MED1: variants seen among roughly 807,000 people sequenced by gnomAD.
The protein encoded by MED1 is mediator of RNA polymerase II transcription subunit 1.
Under a neutral mutation model 121.3 loss-of-function variants are expected in MED1, and 17 were observed. The observed-to-expected ratio is 0.14, with a 90% CI of 0.10 to 0.21. MED1 has a LOEUF of 0.21. Among genes scored for constraint, MED1 ranks in the 10% least tolerant of loss-of-function variants. MED1 has a pLI of 1.00. For missense variants in MED1, 1,558 were observed against 1,919.4 expected, an observed-to-expected ratio of 0.81 and a Z score of 3.52; for synonymous variants, 661 against 694.4, an observed-to-expected ratio of 0.95 and a Z score of 0.76.
chr17:39,412,006 CA>C (rs72106224), intron 16 of MED1, among the ~76,000 whole-genome samples: 85,754 of 133,778 alleles, frequency 0.64, 28,388 homozygotes, highest in South Asian at 0.88. Context: ...GACTCCATCT[CA>C]AAAAAAAAAA....
intron 1 of MED1, among the ~76,000 whole-genome samples, chr17:39,449,237 G>C (rs2048758546): frequency 1.3e-5 from 2 of 152,116 alleles, no homozygotes; most frequent in African/African-American, 4.8e-5. Context: ...TTACAGTGCA[G>C]TGGCATGATT....
chr17:39,432,315 C>G (rs1305611037), intron 7 of MED1, among the ~76,000 whole-genome samples: 1 of 123,018 alleles, frequency 8.1e-6, no homozygotes, highest in Non-Finnish European at 1.6e-5. Flanking sequence ...TGCACTCCAG[C>G]CTGGGTGACA....
intron 16 of MED1, among the ~76,000 whole-genome samples, chr17:39,411,186 G>A (rs1327981080): frequency 1.3e-5 from 2 of 152,132 alleles, no homozygotes; most frequent in African/African-American, 2.4e-5. Context: ...GGGCGTGGTG[G>A]CGCGTGCCTG....
intron 10 of MED1, 118 bp downstream of exon 10, chr17:39,427,583 G>T: frequency 1.5e-6 from 1 of 655,376 alleles, no homozygotes. Context: ...GTGAGGTGTT[G>T]TGTGTATAAG....
chr17:39,427,527 G>A (rs1012032162), intron 10 of MED1, 174 bp downstream of exon 10: 3 of 511,046 alleles, frequency 5.9e-6, no homozygotes, highest in Admixed American at 7.3e-5. Flanking sequence ...ATATATGCAT[G>A]TGTGTATATA....
In MED1 at chr17:39,405,657, C is replaced by A. The variant is rs1009063799; in HGVS notation, c.*1818G>T. On this transcript the variant is annotated 3_prime_UTR_variant, in exon 17 of 17. Transcript: ENST00000300651. ...TGACTCTGATGTGGTTAATTGATAA[C>A]TTTTCTTGCTCCACTTTACAATGTT... 4.8e-6 allele frequency: 5 copies of A among 1,032,914 alleles called. No individual in the cohort carries two copies. Among genetic ancestry groups the A allele is most frequent in the Non-Finnish European group, 5.8e-6 (5 of 860,512 alleles). 64.0% of individuals were successfully genotyped at this position (1,032,914 alleles called of 1,614,324 possible).
chr17:39,409,641 A>G lies in MED1; in HGVS notation c.2580T>C (p.His860=), dbSNP rs373561433. ...SSDSPTNHFF[H]DGVDFNPDLL... ...AATCAGGATTGAAATCTACTCCATCATGAAAAAAATGATTGGTAGGAGAGT... is the reference window on the plus strand; with the variant it reads ...AATCAGGATTGAAATCTACTCCATCGTGAAAAAAATGATTGGTAGGAGAGT... Residue 860 remains histidine (H), a synonymous_variant, in exon 17 of 17, where the codon CAT becomes CAC. Transcript: ENST00000300651. 1.6e-5 allele frequency: 26 copies of G among 1,614,074 alleles called. No individual in the cohort carries two copies. In the East Asian group the frequency reaches 4.9e-4, roughly 30 times the overall value.
At position 39,440,273 on chromosome 17, in the gene MED1, A is replaced by T; in HGVS notation, c.399+113T>A. The T allele has an allele frequency of 1.8e-6, 2 of 1,088,814 alleles. No individual in the cohort carries two copies. The highest frequency in any genetic ancestry group is 2.6e-6 in the Non-Finnish European group (2 of 775,406). The allele number at this position is 1,088,814 out of a possible 1,614,324, so 67.4% of individuals were successfully genotyped here. On this transcript the variant is annotated intron_variant, in intron 5 of 16. Transcript: ENST00000300651. This position sits in a 1 kb window ranked among gnomAD's most constrained non-coding sequence, Gnocchi z 4.1. ...TTGTAGCCCATCACATCATCTCTACAGTGGCTCATGGAAAAACCTAAACCC... is the reference window on the plus strand; with the variant it reads ...TTGTAGCCCATCACATCATCTCTACTGTGGCTCATGGAAAAACCTAAACCC...
At chr17:39,415,772 G>A (rs533002867) in intron 14 of MED1, among the ~76,000 whole-genome samples, 12 of 142,292 alleles carry the variant, frequency 8.4e-5, no homozygotes, top group South Asian at 2.2e-4. Context: ...AGCTGAGATC[G>A]TGCCACTGCA....
intron 16 of MED1, among the ~76,000 whole-genome samples, chr17:39,413,936 A>G (rs1008617892): frequency 1.4e-4 from 16 of 111,534 alleles, no homozygotes; most frequent in African/African-American, 4.7e-4. Context: ...AAAAAAAAAA[A>G]ACAAAGCTGG....
Position 39,407,486 on chromosome 17 carries a change from T to A in MED1, c.4735A>T (p.Ile1579Phe). ...AGGAAATAAGGTTCCTAATTCCCAA[T>A]CAGGGCCACATCCATAAGATCATCA... ...EDDDLMDVAL[I>F]GN The change falls in exon 17 of 17, where the codon ATT becomes TTT. Residue 1579 changes from isoleucine to phenylalanine, a missense_variant. Ile to Phe is a conservative substitution (Grantham distance 21, BLOSUM62 0). This residue lies in a region of MED1 where 264 missense variants were observed against 326.1 expected (regional missense o/e 0.81). Transcript: ENST00000300651. 1 of 1,595,912 alleles carries A rather than the reference T, an allele frequency of 6.3e-7. No individual in the cohort carries two copies. Among genetic ancestry groups the A allele is most frequent in the East Asian group, 2.2e-5 (1 of 44,630 alleles).
chr17:39,406,923 CT>C lies in MED1; in HGVS notation c.*551del, dbSNP rs1241660978. ...AAAATAATCTTCCCTCCCCCAGTCA[CT>C]CCTAAGAAACAGACACCAAACATTA... is the stretch of plus-strand genomic sequence containing the variant. On this transcript the variant is annotated 3_prime_UTR_variant, in exon 17 of 17. Transcript: ENST00000300651. The C allele has an allele frequency of 1.0e-6, 1 of 985,826 alleles. No individual in the cohort carries two copies. The highest frequency in any genetic ancestry group is 1.7e-5 in the African/African-American group (1 of 57,204). The allele number at this position is 985,826 out of a possible 1,614,324, so 61.1% of individuals were successfully genotyped here.
chr17:39,411,326 A>G (rs1013760776), intron 16 of MED1, among the ~76,000 whole-genome samples: 2 of 152,094 alleles, frequency 1.3e-5, no homozygotes, highest in Admixed American at 1.3e-4. Context: ...TCAAAAAAAA[A>G]AATGCCTCCT....
At position 39,427,721 on chromosome 17, in the gene MED1, A is replaced by G. The variant is rs1438604874; in HGVS notation, c.719T>C (p.Ile240Thr). The G allele has an allele frequency of 9.4e-6, 15 of 1,600,152 alleles. No individual in the cohort carries two copies. The highest frequency in any genetic ancestry group is 1.7e-4 in the Middle Eastern group (1 of 6,024). Residue 240 changes from isoleucine (I) to threonine (T), a missense_variant, in exon 10 of 17, where the codon ATC becomes ACC. Ile to Thr is a moderately conservative substitution (Grantham distance 89, BLOSUM62 -1). Around this residue, in one of 5 missense-constraint regions of MED1, gnomAD observed 443 missense variants for 532.4 expected, o/e 0.83. Transcript: ENST00000300651. ...DLLDDKTASPIILHENNVSRS... is the reference protein window; with the variant it reads ...DLLDDKTASPTILHENNVSRS... ...CTTACCATTATTCTCATGCAAAATGATGGGAGATGCAGTCTTGTCATCCAG... is the reference window on the plus strand; with the variant it reads ...CTTACCATTATTCTCATGCAAAATGGTGGGAGATGCAGTCTTGTCATCCAG...
At chr17:39,411,117 G>A (rs984983083) in intron 16 of MED1, among the ~76,000 whole-genome samples, 9 of 151,282 alleles carry the variant, frequency 5.9e-5, no homozygotes, top group African/African-American at 1.2e-4. Flanking sequence ...TCAGGAGATC[G>A]ACACCATCCT....
intron 6 of MED1, among the ~76,000 whole-genome samples, chr17:39,436,558 C>T (rs932411592): frequency 2.0e-5 from 3 of 152,012 alleles, no homozygotes; most frequent in African/African-American, 7.2e-5. Flanking sequence ...GAAATTTCCA[C>T]TCAATTAAAA....
At position 39,409,690 on chromosome 17, in the gene MED1, T is replaced by G. The variant is rs1172741452; in HGVS notation, c.2531A>C (p.Asp844Ala). 1.2e-6 allele frequency: 2 copies of G among 1,614,044 alleles called. No homozygotes were observed. The highest frequency in any genetic ancestry group is 1.7e-6 in the Non-Finnish European group (2 of 1,180,044). The stretch of plus-strand genomic sequence containing the variant: ...GTCACTACTGGGGCTTCCAGCAGCA[T>G]CTGCAATAAGATCAGCTGGATCAGT... ...PYTDPADLIA[D>A]AAGSPSSDSP... Residue 844 changes from aspartate to alanine, a missense_variant, in exon 17 of 17, where the codon GAT becomes GCT. Asp to Ala is a moderately radical substitution (Grantham distance 126, BLOSUM62 -2). Around this residue, in one of 5 missense-constraint regions of MED1, gnomAD observed 793 missense variants for 898.2 expected, o/e 0.88. Transcript: ENST00000300651.
At chr17:39,413,675 A>C (rs1250011565) in intron 16 of MED1, among the ~76,000 whole-genome samples, 1 of 152,048 alleles carries the variant, frequency 6.6e-6, no homozygotes, top group Non-Finnish European at 1.5e-5. Flanking sequence ...TCAACACTTC[A>C]GTGAGCCGTC....
intron 13 of MED1, among the ~76,000 whole-genome samples, chr17:39,422,331 T>C (rs2048473064): frequency 6.7e-6 from 1 of 149,280 alleles, no homozygotes; most frequent in African/African-American, 2.5e-5. Context: ...ACCCAGCTAA[T>C]TTTTGTATTT....
Sources: allele counts gnomAD v4.1 joint callset (sites outside exome capture counted in the v4.1 genomes callset), GRCh38; gene constraint gnomAD v4.1.1; regional missense constraint gnomAD v4.1.1; non-coding constraint Gnocchi (gnomAD v3.1); transcripts MANE v1.5; gene names NCBI Gene and HGNC (gene_info 2026-07-23, HGNC 2026-07-21).